Variants in NEK6 observed in about 807,000 individuals in gnomAD.
NEK6 encodes the protein serine/threonine-protein kinase Nek6.
Under a neutral mutation model 43.5 loss-of-function variants are expected in NEK6, and 27 were observed. That is an observed-to-expected ratio of 0.62 (90% CI 0.46 to 0.86). NEK6 has a LOEUF of 0.86. Ranked by LOEUF, NEK6 falls within the 40% of genes least tolerant of loss-of-function variation. The probability of loss-of-function intolerance (pLI) is 0.00; values close to 1 mark genes in which losing one functional copy is unlikely to be tolerated. For synonymous variants in NEK6, 167 were observed against 164.1 expected (o/e 1.02, Z -0.14); for missense variants, 318 against 414.4 (o/e 0.77, Z 2.02).
At chr9:124,279,716 T>C (rs1328814534) in intron 1 of NEK6, among the ~76,000 whole-genome samples, 2 of 152,246 alleles carry the variant, frequency 1.3e-5, no homozygotes, top group African/African-American at 4.8e-5. Context: ...TGATCTGATC[T>C]GATGGCCCCA....
In NEK6 at chr9:124,318,476, G is replaced by C. The variant is rs1330039994; in HGVS notation, c.295-2983G>C. Among the ~76,000 whole-genome samples, 8 of 152,142 alleles carry C rather than the reference G, an allele frequency of 5.3e-5. No homozygotes were observed. The South Asian group carries it at 1.5e-3, about 28-fold the overall frequency. On this transcript the variant is annotated intron_variant, in intron 4 of 9. Coordinates refer to ENST00000320246, the MANE Select transcript of NEK6 (RefSeq NM_014397.6). ...GTTCTCAAACTCCTGGGCTCAAGCAGCCCTCCCACTTCAGCCTCATGAAGT... is the reference window on the plus strand; with the variant it reads ...GTTCTCAAACTCCTGGGCTCAAGCACCCCTCCCACTTCAGCCTCATGAAGT...
intron 2 of NEK6, among the ~76,000 whole-genome samples, chr9:124,307,662 T>C (rs1833324171): frequency 6.6e-6 from 1 of 152,176 alleles, no homozygotes; most frequent in Admixed American, 6.5e-5. Context: ...CAGAGGAGCC[T>C]GAGGAGTCAG....
At chr9:124,280,349 G>T (rs1377774775) in intron 1 of NEK6, among the ~76,000 whole-genome samples, 1 of 152,234 alleles carries the variant, frequency 6.6e-6, no homozygotes, top group African/African-American at 2.4e-5. Context: ...AGTTGAAATC[G>T]GGGCCTGGAA....
chr9:124,340,917 G>A (rs533258419), intron 8 of NEK6, among the ~76,000 whole-genome samples: 4 of 152,368 alleles, frequency 2.6e-5, no homozygotes, highest in East Asian at 1.9e-4. Context: ...ACCCGCGGCC[G>A]CTCTCGTGGC....
chr9:124,306,831 A>G (rs953872809), intron 2 of NEK6, among the ~76,000 whole-genome samples: 17 of 152,246 alleles, frequency 1.1e-4, no homozygotes, highest in Admixed American at 9.2e-4. Context: ...CGCTATATAC[A>G]CATCTACCAA....
rs1024090720 is a variant in NEK6 at position 124,275,680 on chromosome 9, C to A, written c.-30+17595C>A. ...GGCCCACTAATGGCCAGTCCCCTGC[C>A]CCAGGATCCCCTCCAGGGCTAGGAC... On this transcript the variant is annotated intron_variant, in intron 1 of 9. Transcript: ENST00000320246. The surrounding 1 kb of genome is among the most constrained non-coding windows in gnomAD (Gnocchi z 4.4). Among the ~76,000 whole-genome samples the A allele has an allele frequency of 2.0e-5, 3 of 152,242 alleles. No individual in the cohort carries two copies. The highest frequency in any genetic ancestry group is 7.2e-5 in the African/African-American group (3 of 41,464).
At chr9:124,340,659 C>T (rs1829559044) in intron 8 of NEK6, among the ~76,000 whole-genome samples, 1 of 152,208 alleles carries the variant, frequency 6.6e-6, no homozygotes, top group Non-Finnish European at 1.5e-5. Flanking sequence ...CTGGAGCTGA[C>T]TTGAGCAGAT....
chr9:124,306,837 A>G (rs1213043766), intron 2 of NEK6, among the ~76,000 whole-genome samples: 3 of 152,246 alleles, frequency 2.0e-5, no homozygotes, highest in Non-Finnish European at 2.9e-5. Flanking sequence ...ATACACATCT[A>G]CCAAATCCAT....
intron 6 of NEK6, 26 bp from the exon 7 acceptor site, chr9:124,327,312 C>G: frequency 6.2e-7 from 1 of 1,603,820 alleles, no homozygotes; most frequent in South Asian, 1.1e-5. Flanking sequence ...CTACCCCACA[C>G]CAATCTCCTT....
At position 124,266,807 on chromosome 9, in the gene NEK6, G is replaced by A. The variant is rs115029879; in HGVS notation, c.-30+8722G>A. ...GGAGTGAACGAATCTGTTAGCAAAC[G>A]TTCCTCACTCCCCTCAGTGGGCTGT... On this transcript the variant is annotated intron_variant, in intron 1 of 9. Transcript: ENST00000320246. 1.9e-3 allele frequency among the ~76,000 whole-genome samples: 290 copies of A among 152,334 alleles called. 1 individual carries two copies. The highest frequency in any genetic ancestry group is 5.7e-3 in the African/African-American group (238 of 41,572).
intron 1 of NEK6, among the ~76,000 whole-genome samples, chr9:124,264,814 CAAAA>C (rs372219790): frequency 3.4e-5 from 3 of 88,698 alleles, no homozygotes; most frequent in Non-Finnish European, 4.4e-5. Flanking sequence ...GACTCTGTAT[CAAAA>C]AAAAAAAAAA....
chr9:124,295,723 C>T (rs985716710), intron 1 of NEK6, among the ~76,000 whole-genome samples: 2 of 152,210 alleles, frequency 1.3e-5, no homozygotes, highest in African/African-American at 4.8e-5. Context: ...GGTGCATGCT[C>T]TGTTGGCGGG....
intron 7 of NEK6, among the ~76,000 whole-genome samples, chr9:124,335,936 C>T (rs1421693823): frequency 6.6e-6 from 1 of 152,146 alleles, no homozygotes; most frequent in Non-Finnish European, 1.5e-5. Context: ...ATAGTGAGAA[C>T]CTCTCTCTAC....
intron 8 of NEK6, among the ~76,000 whole-genome samples, chr9:124,347,029 G>A (rs1484766137): frequency 6.6e-6 from 1 of 152,232 alleles, no homozygotes; most frequent in Non-Finnish European, 1.5e-5. Flanking sequence ...GGTCGGGACA[G>A]AGCTAGGGCT....
At chr9:124,274,750 A>G (rs1004524707) in intron 1 of NEK6, among the ~76,000 whole-genome samples, 8 of 152,242 alleles carry the variant, frequency 5.3e-5, no homozygotes, top group Admixed American at 2.0e-4. Flanking sequence ...GGGGTCTGGG[A>G]TCCTGAGAAT....
intron 1 of NEK6, chr9:124,258,321 G>A: frequency 2.0e-6 from 2 of 985,268 alleles, no homozygotes; most frequent in Non-Finnish European, 2.4e-6. Context: ...TCCCCGGCGG[G>A]TGTGCGTGTG....
intron 2 of NEK6, among the ~76,000 whole-genome samples, chr9:124,303,979 C>T (rs867653602): frequency 2.2e-4 from 33 of 152,202 alleles, no homozygotes; most frequent in African/African-American, 7.0e-4. Context: ...GCAGTGGCAG[C>T]GTTCACGACG....
chr9:124,295,704 C>T (rs1361119320), intron 1 of NEK6, among the ~76,000 whole-genome samples: 1 of 152,218 alleles, frequency 6.6e-6, no homozygotes, highest in Non-Finnish European at 1.5e-5. Context: ...ACCTGCCTGG[C>T]GCATGTGTGG....
Position 124,320,163 on chromosome 9 carries a change from C to T in NEK6, c.295-1296C>T, listed in dbSNP as rs543559434. Among the ~76,000 whole-genome samples, 4 of 152,346 alleles carry T rather than the reference C, an allele frequency of 2.6e-5. 1 individual carries two copies. In the South Asian group the frequency reaches 8.3e-4, roughly 32 times the overall value. On this transcript the variant is annotated intron_variant, in intron 4 of 9. Transcript: ENST00000320246. ...TGAGGGGCAGGCAGGGGCCAGCACA[C>T]CCACCTCAGGGCCAGACCTTGGTCC...
Sources: gnomAD v4.1 joint callset for allele counts (sites outside exome capture counted in the v4.1 genomes callset) on GRCh38, gnomAD v4.1.1 for gene constraint, Gnocchi (gnomAD v3.1) non-coding constraint, MANE v1.5 for transcripts, NCBI Gene and HGNC (gene_info 2026-07-23, HGNC 2026-07-21) for gene names.